BEST1: variants seen among roughly 807,000 people sequenced by gnomAD.
BEST1 encodes bestrophin-1.
BEST1 carries 58 observed loss-of-function variants against 63.3 expected under a neutral mutation model. That is an observed-to-expected ratio of 0.92 (90% confidence interval 0.74 to 1.14). The LOEUF (loss-of-function observed/expected upper bound fraction) is 1.14, where lower values mean the gene tolerates loss of function less well. Among genes scored for constraint, BEST1 ranks in the 50% most tolerant of loss-of-function variants. BEST1 has a pLI of 0.00. For synonymous variants in BEST1, 283 were observed against 291.6 expected (o/e 0.97, Z 0.30); for missense variants, 671 against 740.1 (o/e 0.91, Z 1.08).
rs189452274 is a variant in BEST1 at position 61,963,810 on chromosome 11, C to G, written c.1740-294C>G. On this transcript the variant is annotated intron_variant, in intron 10 of 10. Transcript: ENST00000378043. ...CAGGAGGTCAGGAGTTTGAGACCAACCTGGCCAACATGATGAAACCCCATC... is the reference window on the plus strand; with the variant it reads ...CAGGAGGTCAGGAGTTTGAGACCAAGCTGGCCAACATGATGAAACCCCATC... The G allele has an allele frequency of 1.1e-5, 14 of 1,256,792 alleles. No individual in the cohort carries two copies. The Admixed American group carries it at 3.1e-4, about 28-fold the overall frequency. The allele number at this position is 1,256,792 out of a possible 1,614,324, so 77.9% of individuals were successfully genotyped here. A position where few individuals can be genotyped will look rare whatever the true frequency, so the allele number is the denominator to read the frequency against.
chr11:61,958,484 C>G, intron 7 of BEST1, 186 bp downstream of exon 7: 1 of 1,500,848 alleles, frequency 6.7e-7, no homozygotes, highest in Non-Finnish European at 9.0e-7. Flanking sequence ...CGCTTGAACC[C>G]GGGAGGCGGA....
At chr11:61,956,721 AT>A in intron 4 of BEST1, 122 bp from the exon 5 acceptor site, 6 of 1,253,932 alleles carry the variant, frequency 4.8e-6, no homozygotes, top group Non-Finnish European at 3.5e-6. Flanking sequence ...GTGCTCAGAA[AT>A]TTTTTTGTTG....
intron 9 of BEST1, chr11:61,961,937 A>G (rs941252924): frequency 7.5e-6 from 3 of 399,620 alleles, no homozygotes; most frequent in African/African-American, 2.0e-5. Context: ...AGTGTTTCTG[A>G]CTGCCTGGAG....
Position 61,962,507 on chromosome 11 carries a change from C to A in BEST1, c.1353C>A (p.Asp451Glu), listed in dbSNP as rs371105070. The A allele has an allele frequency of 6.2e-7, 1 of 1,614,176 alleles. No individual in the cohort carries two copies. The highest frequency in any genetic ancestry group is 2.2e-5 in the East Asian group (1 of 44,880). Residue 451 changes from aspartate (D) to glutamate (E), a missense_variant, in exon 10 of 11, where the codon GAC (aspartate) becomes GAA (glutamate). Asp to Glu is a conservative substitution (Grantham distance 45). Coordinates refer to ENST00000378043, the MANE Select transcript of BEST1 (RefSeq NM_004183.4). ...DNKAWKLKAV[D>E]AFKSAPLYQR... ...AGGCCTGGAAGCTTAAGGCTGTGGA[C>A]GCCTTCAAGTCTGCCCCACTGTATC...
At chr11:61,959,072 C>T (rs183842707) in intron 7 of BEST1, 9 of 290,940 alleles carry the variant, frequency 3.1e-5, no homozygotes, top group East Asian at 2.5e-4. Context: ...AGACGCGTGT[C>T]ACCTCTTCGG....
At chr11:61,954,467 C>T (rs1941052103) in intron 2 of BEST1, among the ~76,000 whole-genome samples, 6 of 152,100 alleles carry the variant, frequency 3.9e-5, no homozygotes, top group Non-Finnish European at 7.3e-5. Context: ...TAAAGCCAAA[C>T]ACTCTGTTTC....
At chr11:61,963,398 G>T in intron 10 of BEST1, 1 of 1,228,770 alleles carries the variant, frequency 8.1e-7, no homozygotes, top group Non-Finnish European at 1.0e-6. Flanking sequence ...GTGAGGTTGA[G>T]GGTGTCCAGC....
chr11:61,965,316 A>G, downstream of BEST1: 1 of 1,610,752 alleles, frequency 6.2e-7, no homozygotes, highest in South Asian at 1.1e-5. Flanking sequence ...GATTTCTGAT[A>G]CCCGAACACT....
chr11:61,955,511 AC>A, intron 3 of BEST1: 3 of 1,065,422 alleles, frequency 2.8e-6, no homozygotes, highest in Non-Finnish European at 3.9e-6. Flanking sequence ...CAGCAGGGGG[AC>A]CCCCGGGTGA....
intron 5 of BEST1, 78 bp downstream of exon 5, chr11:61,957,076 A>G: frequency 6.2e-7 from 1 of 1,602,224 alleles, no homozygotes; most frequent in Admixed American, 1.7e-5. Flanking sequence ...TCCTACAAAG[A>G]GAAGCCTTGG....
chr11:61,959,302 T>C (rs1941778841), intron 7 of BEST1, 196 bp from the exon 8 acceptor site: 2 of 638,888 alleles, frequency 3.1e-6, no homozygotes, highest in South Asian at 3.5e-5. Context: ...TCAGAAGAGT[T>C]AGAGGGGCTG....
intron 4 of BEST1, among the ~76,000 whole-genome samples, chr11:61,956,303 T>C (rs1214876089): frequency 6.6e-6 from 1 of 152,104 alleles, no homozygotes; most frequent in Non-Finnish European, 1.5e-5. Context: ...TCTGGAGGTA[T>C]GGGACATTGG....
intron 2 of BEST1, 44 bp from the exon 3 acceptor site, chr11:61,955,063 T>A: frequency 6.2e-7 from 1 of 1,611,402 alleles, no homozygotes; most frequent in Non-Finnish European, 8.5e-7. Context: ...CTCAGCCATC[T>A]CCTCGCTGCG....
chr11:61,955,991 C>G (rs1356163464), intron 4 of BEST1, 40 bp downstream of exon 4: 2 of 1,524,648 alleles, frequency 1.3e-6, no homozygotes, highest in Non-Finnish European at 1.8e-6. Context: ...CCGGGCAGAG[C>G]CAGGGGCCGA....
chr11:61,951,767 C>A lies in BEST1; in HGVS notation c.-36-4C>A. 1.2e-6 allele frequency: 2 copies of A among 1,608,844 alleles called. No individual in the cohort carries two copies. Among genetic ancestry groups the A allele is most frequent in the Non-Finnish European group, 1.7e-6 (2 of 1,179,778 alleles). On this transcript the variant is annotated splice_region_variant and splice_polypyrimidine_tract_variant and intron_variant, in intron 1 of 10. Coordinates refer to ENST00000378043, the MANE Select transcript of BEST1 (RefSeq NM_004183.4). ...AACCCCCAATCGGTGTCCCTCTCTA[C>A]CAGGACCCAAGCCCACCTGCTGCAG...
rs1469052269 is a variant in BEST1, at chr11:61,955,939, C to G, written c.469C>G (p.Leu157Val). 4.5e-6 allele frequency: 7 copies of G among 1,548,266 alleles called. No homozygotes were observed. Among genetic ancestry groups the G allele is most frequent in the Non-Finnish European group, 6.1e-6 (7 of 1,145,816 alleles). ...CAAGCGCTTCCCCAGCGCCCAGCACCTGGTGCAAGCAGGTGGGCGGACCGG... is the reference window on the plus strand; with the variant it reads ...CAAGCGCTTCCCCAGCGCCCAGCACGTGGTGCAAGCAGGTGGGCGGACCGG... ...VYKRFPSAQH[L>V]VQAGFMTPAE... The change falls in exon 4 of 11, where the codon CTG (leucine) becomes GTG (valine). Residue 157 changes from leucine (L) to valine (V), a missense_variant. Leu to Val is a conservative substitution (Grantham distance 32). Coordinates refer to ENST00000378043, the MANE Select transcript of BEST1 (RefSeq NM_004183.4).
chr11:61,958,804 C>T (rs1941686367), intron 7 of BEST1: 1 of 324,004 alleles, frequency 3.1e-6, no homozygotes, highest in Non-Finnish European at 6.0e-6. Flanking sequence ...ACTCTCTCTC[C>T]CTTCCTACCT....
chr11:61,959,990 T>C lies in BEST1; in HGVS notation c.1047T>C (p.Ala349=). The change falls in exon 9 of 11, where the codon GCT becomes GCC. Residue 349 remains alanine (A), a synonymous_variant. Coordinates refer to ENST00000378043, the MANE Select transcript of BEST1 (RefSeq NM_004183.4). ...CCGAGCCACAGCCCCCCTACACAGC[T>C]GCTTCCGCCCAGTTCCGTCGAGCCT... ...NKPEPQPPYT[A]ASAQFRRASF... is the part of the protein sequence containing the mutation. The C allele has an allele frequency of 6.2e-7, 1 of 1,612,484 alleles. No individual in the cohort carries two copies. Among genetic ancestry groups the C allele is most frequent in the East Asian group, 2.2e-5 (1 of 44,838 alleles).
intron 3 of BEST1, 83 bp downstream of exon 3, chr11:61,955,284 G>C (rs1941175305): frequency 1.9e-6 from 3 of 1,607,530 alleles, no homozygotes; most frequent in Non-Finnish European, 2.5e-6. Flanking sequence ...GAGGAGCTGC[G>C]GCAAGGGGCT....
Sources: gnomAD v4.1 joint callset for allele counts (sites outside exome capture counted in the v4.1 genomes callset) on GRCh38, gnomAD v4.1.1 for gene constraint, MANE v1.5 for transcripts, NCBI Gene and HGNC (gene_info 2026-07-23, HGNC 2026-07-21) for gene names.